The following SOX6 variants were observed in gnomAD, a reference collection of about 807,000 sequenced individuals.
SOX6 encodes the protein transcription factor SOX-6.
Under a neutral mutation model 97.8 loss-of-function variants are expected in SOX6, and 11 were observed. That is an observed-to-expected ratio of 0.11 (90% CI 0.07 to 0.19). The LOEUF (loss-of-function observed/expected upper bound fraction) is 0.19. Among genes scored for constraint, SOX6 ranks in the 10% least tolerant of loss-of-function variants. The pLI, the probability that SOX6 is intolerant of heterozygous loss-of-function variation, is 1.00. For synonymous variants in SOX6, 360 were observed against 371.4 expected (o/e 0.97, Z 0.35); for missense variants, 810 against 1,039.5 (o/e 0.78, Z 3.04).
At chr11:16,500,586 T>C (rs1421771971) in intron 4 of SOX6, among the ~76,000 whole-genome samples, 1 of 152,152 alleles carries the variant, frequency 6.6e-6, no homozygotes, top group East Asian at 1.9e-4. Flanking sequence ...AAAGTCTCCT[T>C]AGCTGATAAG....
At chr11:16,574,242 T>C (rs1358341376) in intron 4 of SOX6, among the ~76,000 whole-genome samples, 2 of 152,040 alleles carry the variant, frequency 1.3e-5, no homozygotes, top group Non-Finnish European at 2.9e-5. Flanking sequence ...CAAAACTTAT[T>C]ATAAAGTAAA....
intron 3 of SOX6, among the ~76,000 whole-genome samples, chr11:16,703,215 C>T (rs1436828391): frequency 5.3e-5 from 8 of 151,984 alleles, no homozygotes; most frequent in Non-Finnish European, 1.0e-4. Flanking sequence ...TATGAACTAA[C>T]GTCTATGAGG....
rs1226981995 is a variant in SOX6, at chr11:16,221,139, A to G, written c.535+13443T>C. 2.6e-5 allele frequency among the ~76,000 whole-genome samples: 4 copies of G among 152,054 alleles called. No individual in the cohort carries two copies. The South Asian group carries it at 8.3e-4, about 31-fold the overall frequency. ...TCAAGGTGTCCCTGAAATAATTTTC[A>G]TAGTTTTTATAGTAATGCTAAGACA... On this transcript the variant is annotated intron_variant, in intron 4 of 15. Coordinates refer to ENST00000683767, the MANE Select transcript of SOX6 (RefSeq NM_001367873.1).
intron 12 of SOX6, 162 bp from the exon 13 acceptor site, chr11:16,015,212 T>G: frequency 1.4e-6 from 1 of 692,846 alleles, no homozygotes; most frequent in Non-Finnish European, 2.5e-6. Flanking sequence ...TGAAAGCTGT[T>G]TGTGACATGG....
At chr11:16,285,776 T>C (rs1373713652) in intron 3 of SOX6, among the ~76,000 whole-genome samples, 1 of 152,084 alleles carries the variant, frequency 6.6e-6, no homozygotes, top group Non-Finnish European at 1.5e-5. Flanking sequence ...CCTAAATCAA[T>C]AAAAGTTATT....
intron 2 of SOX6, among the ~76,000 whole-genome samples, chr11:16,321,459 G>A (rs1023409007): frequency 2.0e-5 from 3 of 151,984 alleles, no homozygotes; most frequent in African/African-American, 7.2e-5. Context: ...TGTCCTGAGA[G>A]CATTTAGGCT....
At chr11:16,048,960 T>G (rs914647846) in intron 11 of SOX6, among the ~76,000 whole-genome samples, 12 of 152,178 alleles carry the variant, frequency 7.9e-5, no homozygotes, top group Non-Finnish European at 1.6e-4. Flanking sequence ...TATATGTACA[T>G]GTATTGATAA....
chr11:16,737,652 A>G (rs922517958), intron 1 of SOX6, among the ~76,000 whole-genome samples: 4 of 152,224 alleles, frequency 2.6e-5, no homozygotes, highest in Admixed American at 2.6e-4. Flanking sequence ...GATAGTCTTC[A>G]GTATCTGAAC....
intron 3 of SOX6, among the ~76,000 whole-genome samples, chr11:16,297,845 A>G (rs958395415): frequency 1.3e-5 from 2 of 152,208 alleles, no homozygotes; most frequent in East Asian, 1.9e-4. Flanking sequence ...AGGGATTCCC[A>G]GGCTGACAGG....
chr11:16,639,198 C>T (rs1404102825), intron 3 of SOX6, among the ~76,000 whole-genome samples: 3 of 152,098 alleles, frequency 2.0e-5, no homozygotes, highest in Non-Finnish European at 4.4e-5. Flanking sequence ...TTGTTTTTGT[C>T]AGGTTTGTCA....
rs1320214899 is a variant in SOX6, at chr11:15,970,678, G to C, written c.*2131C>G. ...ATCAGTACCTTAATCAGCTTATAGA[G>C]AGCACTCCCAGCTAACAGAATAGCT... On this transcript the variant is annotated 3_prime_UTR_variant, in exon 16 of 16. Transcript: ENST00000683767. 1.3e-5 allele frequency: 2 copies of C among 152,636 alleles called. No individual in the cohort carries two copies. The highest frequency in any genetic ancestry group is 2.9e-5 in the Non-Finnish European group (2 of 68,036). 9.5% of individuals were successfully genotyped at this position (152,636 alleles called of 1,614,324 possible).
At chr11:16,050,328 AAT>A (rs1221826295) in intron 10 of SOX6, among the ~76,000 whole-genome samples, 1 of 152,172 alleles carries the variant, frequency 6.6e-6, no homozygotes, top group African/African-American at 2.4e-5. Flanking sequence ...TGTAGCTATA[AAT>A]AGTCTCTGCA....
At chr11:16,039,906 T>A (rs1304289278) in intron 12 of SOX6, among the ~76,000 whole-genome samples, 1 of 151,890 alleles carries the variant, frequency 6.6e-6, no homozygotes, top group East Asian at 1.9e-4. Flanking sequence ...CCAAAAAAGT[T>A]GAGAACAGCT....
chr11:16,341,379 T>C (rs1856628514), intron 1 of SOX6, 127 bp from the exon 2 acceptor site: 3 of 1,348,050 alleles, frequency 2.2e-6, no homozygotes, highest in East Asian at 5.0e-5. Flanking sequence ...TGGTCCACTC[T>C]AAACCCCTGA....
chr11:16,159,746 CATTT>C (rs1473972144), intron 6 of SOX6, among the ~76,000 whole-genome samples: 1 of 152,090 alleles, frequency 6.6e-6, no homozygotes, highest in Non-Finnish European at 1.5e-5. Flanking sequence ...ATTCTATTGA[CATTT>C]ATTGGCTTGC....
intron 3 of SOX6, among the ~76,000 whole-genome samples, chr11:16,683,854 T>C (rs1433364125): frequency 6.6e-6 from 1 of 151,816 alleles, no homozygotes; most frequent in Non-Finnish European, 1.5e-5. Flanking sequence ...AGGGCTAATA[T>C]CAAGAATCTA....
intron 1 of SOX6, among the ~76,000 whole-genome samples, chr11:16,466,723 G>A (rs1347131564): frequency 1.3e-5 from 2 of 150,690 alleles, no homozygotes; most frequent in African/African-American, 4.9e-5. Flanking sequence ...GAGGTCAGGA[G>A]ATCGAGACCA....
intron 3 of SOX6, among the ~76,000 whole-genome samples, chr11:16,290,123 C>T (rs573848631): frequency 1.1e-4 from 16 of 152,130 alleles, no homozygotes; most frequent in African/African-American, 3.6e-4. Flanking sequence ...CCCAGATGTA[C>T]TGTCTCTCAG....
intron 3 of SOX6, among the ~76,000 whole-genome samples, chr11:16,657,695 G>C (rs1263539483): frequency 6.6e-6 from 1 of 152,104 alleles, no homozygotes; most frequent in Non-Finnish European, 1.5e-5. Context: ...GTGTATAGTG[G>C]TATCTCACTG....
Sources: gnomAD v4.1 joint callset for allele counts (sites outside exome capture counted in the v4.1 genomes callset) on GRCh38, gnomAD v4.1.1 for gene constraint, MANE v1.5 for transcripts, NCBI Gene and HGNC (gene_info 2026-07-23, HGNC 2026-07-21) for gene names.